The following CCDC7 variants were observed in gnomAD, a reference collection of about 807,000 sequenced individuals.
CCDC7 encodes the protein coiled-coil domain containing 7.
CCDC7 carries 183 observed loss-of-function variants against 196.9 expected under a neutral mutation model. The ratio of observed to expected loss-of-function variants is 0.93; its 90% CI spans 0.82 to 1.05. CCDC7 has a LOEUF of 1.05. Among genes scored for constraint, CCDC7 ranks in the 50% least tolerant of loss-of-function variants. The pLI, the probability that CCDC7 is intolerant of heterozygous loss-of-function variation, is 0.00. For missense variants in CCDC7, 1,540 were observed against 1,482.2 expected, an observed-to-expected ratio of 1.04 and a Z score of -0.64; for synonymous variants, 525 against 484.6, an observed-to-expected ratio of 1.08 and a Z score of -1.10.
chr10:32,497,731 G>A (rs12253143), intron 9 of CCDC7, among the ~76,000 whole-genome samples: 16,094 of 152,136 alleles, frequency 0.11, 1,052 homozygotes, highest in South Asian at 0.25. Context: ...CTGAGTTCTA[G>A]TTTGATTGCA....
intron 11 of CCDC7, among the ~76,000 whole-genome samples, chr10:32,525,082 C>T (rs571098282): frequency 5.3e-5 from 8 of 150,616 alleles, no homozygotes; most frequent in African/African-American, 1.9e-4. Context: ...TTTGTCTCCT[C>T]TGTCTGTGTA....
At chr10:32,601,980 C>A (rs2061076577) in intron 18 of CCDC7, among the ~76,000 whole-genome samples, 1 of 152,128 alleles carries the variant, frequency 6.6e-6, no homozygotes, top group African/African-American at 2.4e-5. Flanking sequence ...AGCTGGCCAC[C>A]CGAGCCAGCA....
In CCDC7 at chr10:32,686,081, G is replaced by GT. The variant is rs747145650; in HGVS notation, c.2233+2dup. 2.1e-5 allele frequency: 28 copies of GT among 1,352,964 alleles called. No homozygotes were observed. The highest frequency in any genetic ancestry group is 2.8e-5 in the Non-Finnish European group (27 of 973,050). 83.8% of individuals were successfully genotyped at this position (1,352,964 alleles called of 1,614,324 possible). A position where few individuals can be genotyped will look rare whatever the true frequency, so the allele number is the denominator to read the frequency against. ...ACTTCTACAGAGCAACCACTCACCA[G>GT]TAAGTATAAAAATTACACATAACTT... On this transcript the variant is annotated splice_donor_variant, in intron 22 of 41. Coordinates refer to ENST00000639629, the Ensembl canonical transcript of CCDC7. LOFTEE classifies it high-confidence loss of function.
At chr10:32,860,653 AT>A (rs1243130712) in intron 41 of CCDC7, among the ~76,000 whole-genome samples, 17 of 152,360 alleles carry the variant, frequency 1.1e-4, no homozygotes, top group African/African-American at 4.1e-4. Flanking sequence ...ATGATTGTAT[AT>A]TTAGAAAACC....
At chr10:32,544,440 A>T (rs1221921158) in intron 13 of CCDC7, 139 bp downstream of exon 14, 5 of 729,464 alleles carry the variant, frequency 6.9e-6, no homozygotes, top group Admixed American at 7.2e-5. Flanking sequence ...GTGTGTGTGT[A>T]CTAAAATTCT....
intron 16 of CCDC7, among the ~76,000 whole-genome samples, chr10:32,578,536 G>A: frequency 6.6e-6 from 1 of 151,318 alleles, no homozygotes; most frequent in Non-Finnish European, 1.5e-5. Context: ...TCAGACATTA[G>A]GTTCTCGTAA....
chr10:32,646,015 A>T (rs1415128001), intron 20 of CCDC7, among the ~76,000 whole-genome samples: 1 of 148,796 alleles, frequency 6.7e-6, no homozygotes, highest in East Asian at 2.0e-4. Flanking sequence ...TATATTTTTT[A>T]ATCTCTTTTT....
intron 18 of CCDC7, among the ~76,000 whole-genome samples, chr10:32,617,291 G>A (rs188292116): frequency 1.3e-5 from 2 of 151,382 alleles, no homozygotes; most frequent in East Asian, 3.9e-4. Context: ...ATTTCATTTG[G>A]TTCTTCTTTG....
chr10:32,840,397 C>A (rs1293704522), intron 33 of CCDC7, among the ~76,000 whole-genome samples: 2 of 151,828 alleles, frequency 1.3e-5, no homozygotes, highest in African/African-American at 4.8e-5. Context: ...AACTAGAAAA[C>A]CTAGAGGAGA....
At chr10:32,572,823 T>C (rs1381146704) in intron 16 of CCDC7, among the ~76,000 whole-genome samples, 5 of 151,552 alleles carry the variant, frequency 3.3e-5, no homozygotes, top group African/African-American at 7.3e-5. Context: ...TGGGAACTTA[T>C]GTATCATGTA....
rs532049965 is a variant in CCDC7 at position 32,632,097 on chromosome 10, ACTT to A, written c.1802-2152_1802-2150del. 2.0e-3 allele frequency among the ~76,000 whole-genome samples: 258 copies of A among 126,798 alleles called. 1 individual carries two copies. Among genetic ancestry groups the A allele is most frequent in the African/African-American group, 7.5e-3 (245 of 32,520 alleles). The allele number at this position is 126,798 out of a possible 152,430, so 83.2% of individuals were successfully genotyped here. A position where few individuals can be genotyped will look rare whatever the true frequency, so the allele number is the denominator to read the frequency against. ...AAAACATTTGTAAGTTGAGAGTTTT[ACTT>A]CTTCCTTTTCAATCCAGATACATTT... On this transcript the variant is annotated intron_variant, in intron 18 of 41. Coordinates refer to ENST00000639629, the Ensembl canonical transcript of CCDC7.
Position 32,876,346 on chromosome 10 carries a change from G to C in CCDC7, c.4112-1G>C. ...AATTAACACATAACTTTTCTTTAAA[G>C]TGTTACATGCTGCTGCCCGAAAATC... On this transcript the variant is annotated splice_acceptor_variant, in intron 41 of 41. Transcript: ENST00000639629. LOFTEE classifies it high-confidence loss of function. 6.2e-7 allele frequency: 1 copy of C among 1,607,850 alleles called. No individual in the cohort carries two copies. The highest frequency in any genetic ancestry group is 1.1e-5 in the South Asian group (1 of 90,220).
At chr10:32,719,598 A>G (rs1355829446) in intron 25 of CCDC7, among the ~76,000 whole-genome samples, 1 of 152,228 alleles carries the variant, frequency 6.6e-6, no homozygotes, top group Non-Finnish European at 1.5e-5. Flanking sequence ...ATAGAATGGG[A>G]GAAAATTTTT....
intron 13 of CCDC7, among the ~76,000 whole-genome samples, chr10:32,548,244 G>A (rs182254872): frequency 3.9e-5 from 6 of 152,100 alleles, no homozygotes; most frequent in East Asian, 1.9e-4. Flanking sequence ...GGGTTGGACC[G>A]CACAGTCTAA....
rs571479754 is a variant in CCDC7, at chr10:32,575,872, A to G, written c.1454+3979A>G. ...TTCTGAGCATACCAATTTCCTTAGT[A>G]TTGTCTGGGAGAAGAATATTAGTAA... On this transcript the variant is annotated intron_variant, in intron 16 of 41. Coordinates refer to ENST00000639629, the Ensembl canonical transcript of CCDC7. Among the ~76,000 whole-genome samples the G allele has an allele frequency of 1.8e-4, 28 of 152,186 alleles. No homozygotes were observed. The Middle Eastern group carries it at 0.01, about 55-fold the overall frequency.
At chr10:32,445,535 T>C (rs1276831699), upstream of CCDC7, among the ~76,000 whole-genome samples, 1 of 152,280 alleles carries the variant, frequency 6.6e-6, no homozygotes, top group East Asian at 1.9e-4. Flanking sequence ...TTTTAAAATA[T>C]TAAAAACATT....
At position 32,835,158 on chromosome 10, in the gene CCDC7, A is replaced by G. The variant is rs772590682; in HGVS notation, c.3352+260A>G. 3.2e-4 allele frequency among the ~76,000 whole-genome samples: 49 copies of G among 152,066 alleles called. 1 individual carries two copies. Among genetic ancestry groups the G allele is most frequent in the South Asian group, 2.1e-4 (1 of 4,826 alleles). Reference sequence around the variant, plus strand: ...GTGACCTAAATATGTGCTTGATGCTATTATTTCAAATGCTATACTTTAATT... The same window carrying G: ...GTGACCTAAATATGTGCTTGATGCTGTTATTTCAAATGCTATACTTTAATT... On this transcript the variant is annotated intron_variant, in intron 33 of 41. Coordinates refer to ENST00000639629, the Ensembl canonical transcript of CCDC7.
intron 24 of CCDC7, among the ~76,000 whole-genome samples, chr10:32,705,972 C>T (rs1302412585): frequency 6.6e-6 from 1 of 152,080 alleles, no homozygotes; most frequent in East Asian, 1.9e-4. Flanking sequence ...AGCGGACCTA[C>T]TGGACATCTA....
At chr10:32,721,715 G>A (rs1432695264) in intron 25 of CCDC7, among the ~76,000 whole-genome samples, 1 of 152,096 alleles carries the variant, frequency 6.6e-6, no homozygotes, top group African/African-American at 2.4e-5. Context: ...TTGGGTTTTA[G>A]GTCTTTGTAC....
Sources: gnomAD v4.1 joint callset for allele counts (sites outside exome capture counted in the v4.1 genomes callset) on GRCh38, gnomAD v4.1.1 for gene constraint, MANE v1.5 for transcripts, NCBI Gene and HGNC (gene_info 2026-07-23, HGNC 2026-07-21) for gene names.